PIGK: variants seen among roughly 807,000 people sequenced by gnomAD.
PIGK encodes the protein GPI-anchor transamidase.
A neutral mutation model predicts 50.6 loss-of-function variants in PIGK; 42 were observed. The ratio of observed to expected loss-of-function variants is 0.83; its 90% CI spans 0.65 to 1.07. The LOEUF (loss-of-function observed/expected upper bound fraction) is 1.07, where lower values mean the gene tolerates loss of function less well. Among genes scored for constraint, PIGK ranks in the 50% least tolerant of loss-of-function variants. The probability of loss-of-function intolerance (pLI) is 0.00; values close to 1 mark genes in which losing one functional copy is unlikely to be tolerated. For missense variants in PIGK, 448 were observed against 488.7 expected (o/e 0.92, Z 0.78); for synonymous variants, 151 against 156.0 (o/e 0.97, Z 0.24).
chr1:77,131,837 ACT>A (rs1377157923), intron 9 of PIGK, among the ~76,000 whole-genome samples: 6 of 151,990 alleles, frequency 3.9e-5, no homozygotes, highest in East Asian at 3.9e-4. Flanking sequence ...AGTGAGGCTG[ACT>A]CTCTATTTTC....
At chr1:77,121,347 A>AT (rs1654091893) in intron 10 of PIGK, among the ~76,000 whole-genome samples, 1 of 152,162 alleles carries the variant, frequency 6.6e-6, no homozygotes, top group African/African-American at 2.4e-5. Flanking sequence ...ATTTCTGATC[A>AT]TTTTTTGTAA....
At chr1:77,093,381 G>A (rs769339474) in intron 10 of PIGK, among the ~76,000 whole-genome samples, 1 of 152,030 alleles carries the variant, frequency 6.6e-6, no homozygotes, top group Non-Finnish European at 1.5e-5. Flanking sequence ...TTGGAAGTTT[G>A]TGACAATGAT....
intron 4 of PIGK, among the ~76,000 whole-genome samples, chr1:77,168,791 G>C (rs1330953856): frequency 6.6e-6 from 1 of 151,658 alleles, no homozygotes; most frequent in Non-Finnish European, 1.5e-5. Context: ...GTTTCAAAGG[G>C]AGAAAATAGA....
chr1:77,180,974 AAAACAAAG>A (rs2100568991), intron 3 of PIGK, among the ~76,000 whole-genome samples: 1 of 152,280 alleles, frequency 6.6e-6, no homozygotes, highest in African/African-American at 2.4e-5. Flanking sequence ...TTCCTAGATA[AAAACAAAG>A]AAAACTGCTA....
At chr1:77,196,980 G>A (rs867877432) in intron 3 of PIGK, among the ~76,000 whole-genome samples, 1 of 152,042 alleles carries the variant, frequency 6.6e-6, no homozygotes, top group South Asian at 2.1e-4. Context: ...TCCATCTTGA[G>A]TTAATTTTTG....
At position 77,166,611 on chromosome 1, in the gene PIGK, C is replaced by A. The variant is rs1225859495; in HGVS notation, c.487+108G>T. On this transcript the variant is annotated intron_variant, in intron 5 of 10. Transcript: ENST00000370812. ...ATGGAAAATATAACTACATGAGAAA[C>A]CATTTTAACCAAAAATCATTTCACG... 5.1e-6 allele frequency: 3 copies of A among 591,656 alleles called. No homozygotes were observed. The African/African-American group carries it at 5.7e-5, about 11-fold the overall frequency. The allele number at this position is 591,656 out of a possible 1,614,324, so 36.7% of individuals were successfully genotyped here.
chr1:77,196,368 T>C (rs1048872846), intron 3 of PIGK, among the ~76,000 whole-genome samples: 1 of 152,224 alleles, frequency 6.6e-6, no homozygotes, highest in Non-Finnish European at 1.5e-5. Context: ...GTGGGTCAAA[T>C]GGTAGTTTAA....
chr1:77,201,061 C>T (rs373618249), intron 3 of PIGK, among the ~76,000 whole-genome samples: 16 of 152,266 alleles, frequency 1.1e-4, no homozygotes, highest in African/African-American at 3.6e-4. Flanking sequence ...AGCTTATTAA[C>T]GCTCCACTTC....
intron 2 of PIGK, among the ~76,000 whole-genome samples, chr1:77,208,859 T>A (rs1487027566): frequency 6.6e-6 from 1 of 152,200 alleles, no homozygotes; most frequent in Non-Finnish European, 1.5e-5. Context: ...TCATTATCTA[T>A]ATTTTTATCA....
At chr1:77,109,054 A>C (rs1653771711) in intron 10 of PIGK, among the ~76,000 whole-genome samples, 1 of 152,150 alleles carries the variant, frequency 6.6e-6, no homozygotes, top group African/African-American at 2.4e-5. Flanking sequence ...CCAAGACTAA[A>C]CCAGGAAGAA....
chr1:77,130,297 C>CAAAAAAAA lies in PIGK; in HGVS notation c.987-7946_987-7939dup, dbSNP rs749423746. Among the ~76,000 whole-genome samples, 71 of 41,498 alleles carry CAAAAAAAA rather than the reference C, an allele frequency of 1.7e-3. 6 individuals are homozygous for CAAAAAAAA. The highest frequency in any genetic ancestry group is 2.0e-3 in the Non-Finnish European group (45 of 22,278). The allele number at this position is 41,498 out of a possible 152,430, so 27.2% of individuals were successfully genotyped here. A position where few individuals can be genotyped will look rare whatever the true frequency, so the allele number is the denominator to read the frequency against. On this transcript the variant is annotated intron_variant, in intron 9 of 10. Coordinates refer to ENST00000370812, the MANE Select transcript of PIGK (RefSeq NM_005482.3). ...TGTGACACCTTTCCCTACTCCTAAG[C>CAAAAAAAA]AAAAAAAAAAAAAAAAAAAAAAAAA...
At chr1:77,136,668 G>T (rs897814651) in intron 9 of PIGK, among the ~76,000 whole-genome samples, 1 of 151,826 alleles carries the variant, frequency 6.6e-6, no homozygotes. Flanking sequence ...TTCACATGAA[G>T]TATATACTCC....
intron 3 of PIGK, among the ~76,000 whole-genome samples, chr1:77,199,007 G>A (rs1293270945): frequency 6.6e-6 from 1 of 152,034 alleles, no homozygotes; most frequent in Middle Eastern, 3.2e-3. Context: ...ATTGGTGAAG[G>A]AATAAGCATC....
chr1:77,159,568 TGCAAAGCCACAAGG>T (rs1482143648), intron 8 of PIGK, among the ~76,000 whole-genome samples: 1 of 152,208 alleles, frequency 6.6e-6, no homozygotes, highest in African/African-American at 2.4e-5. Context: ...GGCCGTATCC[TGCAAAGCCACAAGG>T]GCAAAGCTGC....
chr1:77,098,330 G>A (rs1426603930), intron 10 of PIGK, among the ~76,000 whole-genome samples: 1 of 151,924 alleles, frequency 6.6e-6, no homozygotes, highest in East Asian at 1.9e-4. Context: ...AAGAGAAGGT[G>A]GAGGAAATTT....
At chr1:77,102,678 T>A (rs938219383) in intron 10 of PIGK, among the ~76,000 whole-genome samples, 6 of 152,208 alleles carry the variant, frequency 3.9e-5, no homozygotes, top group Non-Finnish European at 8.8e-5. Flanking sequence ...ACAATACATC[T>A]GGGTTGTTTT....
intron 3 of PIGK, among the ~76,000 whole-genome samples, chr1:77,171,805 G>A (rs1442465017): frequency 6.6e-6 from 1 of 151,962 alleles, no homozygotes. Flanking sequence ...CTCTTTTCTA[G>A]AGAAAAAAAT....
At chr1:77,148,721 G>GTT (rs35128622) in intron 9 of PIGK, among the ~76,000 whole-genome samples, 24,792 of 144,796 alleles carry the variant, frequency 0.17, 3,542 homozygotes, top group African/African-American at 0.39. Context: ...TTGTTTTTTG[G>GTT]TTTTTTTTTT....
chr1:77,141,183 G>C (rs1654642474), intron 9 of PIGK, among the ~76,000 whole-genome samples: 1 of 145,900 alleles, frequency 6.9e-6, no homozygotes, highest in South Asian at 2.1e-4. Flanking sequence ...TGGCAATATA[G>C]TTCAGGCCAA....
Sources: gnomAD v4.1 joint callset for allele counts (sites outside exome capture counted in the v4.1 genomes callset) on GRCh38, gnomAD v4.1.1 for gene constraint, MANE v1.5 for transcripts, NCBI Gene and HGNC (gene_info 2026-07-23, HGNC 2026-07-21) for gene names.